VMP1: variants seen among roughly 807,000 people sequenced by gnomAD.
The protein encoded by VMP1 is vacuole membrane protein 1.
A neutral mutation model predicts 56.0 loss-of-function variants in VMP1; 11 were observed. That is an observed-to-expected ratio of 0.20 (90% CI 0.12 to 0.32). The LOEUF (loss-of-function observed/expected upper bound fraction) is 0.32, where lower values mean the gene tolerates loss of function less well. VMP1 is among the 10% of genes least tolerant of loss of function. VMP1 has a pLI of 1.00. For missense variants in VMP1, 296 were observed against 490.3 expected (o/e 0.60, Z 3.74); for synonymous variants, 149 against 165.0 (o/e 0.90, Z 0.74).
intron 5 of VMP1, among the ~76,000 whole-genome samples, chr17:59,760,956 G>A (rs1322194339): frequency 2.0e-5 from 3 of 150,808 alleles, no homozygotes; most frequent in African/African-American, 4.9e-5. Context: ...GTGCTGGCAT[G>A]CAGTGTTGAG....
At chr17:59,737,120 T>G (rs2143828784) in intron 3 of VMP1, among the ~76,000 whole-genome samples, 1 of 152,286 alleles carries the variant, frequency 6.6e-6, no homozygotes, top group South Asian at 2.1e-4. Context: ...AAGTGCAACA[T>G]GAAGGGTCTC....
chr17:59,730,391 G>A (rs1393607861), intron 1 of VMP1, among the ~76,000 whole-genome samples: 1 of 151,830 alleles, frequency 6.6e-6, no homozygotes, highest in Non-Finnish European at 1.5e-5. Flanking sequence ...TCAGCCTCCT[G>A]AGCAACTAGA....
chr17:59,784,492 C>A (rs1305501910), intron 7 of VMP1, among the ~76,000 whole-genome samples: 1 of 152,100 alleles, frequency 6.6e-6, no homozygotes, highest in African/African-American at 2.4e-5. Context: ...TCTTGTGTCA[C>A]TTATCACATT....
intron 7 of VMP1, among the ~76,000 whole-genome samples, chr17:59,806,267 T>C (rs2037838598): frequency 6.6e-6 from 1 of 152,120 alleles, no homozygotes; most frequent in African/African-American, 2.4e-5. Flanking sequence ...AAATAAGCTA[T>C]ATAGGAAAAC....
intron 9 of VMP1, among the ~76,000 whole-genome samples, chr17:59,814,943 T>C (rs915533780): frequency 6.6e-6 from 1 of 152,138 alleles, no homozygotes; most frequent in Non-Finnish European, 1.5e-5. Flanking sequence ...TAAACAATAT[T>C]AGTAATATAA....
intron 6 of VMP1, among the ~76,000 whole-genome samples, chr17:59,767,202 AT>A (rs2036264340): frequency 6.6e-6 from 1 of 151,936 alleles, no homozygotes; most frequent in African/African-American, 2.4e-5. Context: ...GAAATTAAAG[AT>A]TATGGAACAG....
intron 7 of VMP1, among the ~76,000 whole-genome samples, chr17:59,787,373 T>C (rs1443435913): frequency 2.0e-5 from 3 of 152,188 alleles, no homozygotes; most frequent in African/African-American, 4.8e-5. Flanking sequence ...TCCCATATTA[T>C]CAACAAGGAA....
intron 7 of VMP1, among the ~76,000 whole-genome samples, chr17:59,806,519 C>T (rs2037846737): frequency 6.6e-6 from 1 of 151,724 alleles, no homozygotes; most frequent in African/African-American, 2.4e-5. Context: ...AGTTCGAGAC[C>T]AGCCTGACAA....
At chr17:59,791,626 G>A (rs1426966325) in intron 7 of VMP1, among the ~76,000 whole-genome samples, 5 of 144,308 alleles carry the variant, frequency 3.5e-5, no homozygotes, top group African/African-American at 1.0e-4. Context: ...CACCACGCCC[G>A]GCTAATTTTG....
At chr17:59,794,808 A>G (rs1399954709) in intron 7 of VMP1, among the ~76,000 whole-genome samples, 1 of 151,204 alleles carries the variant, frequency 6.6e-6, no homozygotes, top group African/African-American at 2.4e-5. Flanking sequence ...GAAATGTTTT[A>G]TGTCTAGTAG....
chr17:59,838,275 C>T lies in VMP1; in HGVS notation c.975-20C>T. On this transcript the variant is annotated intron_variant, in intron 10 of 11. Transcript: ENST00000262291. ...TCCCAAATGTGTCTTTTTCTTTGGG[C>T]TACTGTACCCTGCTTCCAGTGCTGT... 6.2e-7 allele frequency: 1 copy of T among 1,607,462 alleles called. No individual in the cohort carries two copies. The highest frequency in any genetic ancestry group is 2.2e-5 in the East Asian group (1 of 44,784).
chr17:59,764,146 A>C (rs2036152643), intron 5 of VMP1, among the ~76,000 whole-genome samples: 1 of 152,206 alleles, frequency 6.6e-6, no homozygotes, highest in Non-Finnish European at 1.5e-5. Flanking sequence ...TTAAGTAAGG[A>C]CGTAAAGTGA....
chr17:59,753,105 G>A (rs1031433167), intron 5 of VMP1, among the ~76,000 whole-genome samples: 1 of 151,858 alleles, frequency 6.6e-6, no homozygotes, highest in Non-Finnish European at 1.5e-5. Flanking sequence ...GTGGGACCCC[G>A]TCTCTACGAA....
intron 1 of VMP1, among the ~76,000 whole-genome samples, chr17:59,709,994 G>A (rs1290174707): frequency 1.3e-5 from 2 of 151,994 alleles, no homozygotes; most frequent in Non-Finnish European, 2.9e-5. Flanking sequence ...TCAGGCGATC[G>A]AGACAATCCT....
chr17:59,794,683 A>T (rs1214289476), intron 7 of VMP1, among the ~76,000 whole-genome samples: 1 of 151,658 alleles, frequency 6.6e-6, no homozygotes, highest in African/African-American at 2.4e-5. Flanking sequence ...TGAACTTCTA[A>T]GAATAATTTA....
At chr17:59,792,545 T>G (rs1013156093) in intron 7 of VMP1, among the ~76,000 whole-genome samples, 16 of 152,122 alleles carry the variant, frequency 1.1e-4, no homozygotes, top group African/African-American at 3.9e-4. Flanking sequence ...TCTACTGATT[T>G]TTTTTATTTC....
intron 7 of VMP1, among the ~76,000 whole-genome samples, chr17:59,791,076 A>G (rs1286159795): frequency 1.3e-5 from 2 of 152,130 alleles, no homozygotes; most frequent in East Asian, 3.8e-4. Flanking sequence ...TCCAGAGGCA[A>G]TTGCCACATA....
At chr17:59,720,871 G>A (rs139541326) in intron 1 of VMP1, among the ~76,000 whole-genome samples, 5,602 of 152,122 alleles carry the variant, frequency 0.037, 377 homozygotes, top group African/African-American at 0.13. Flanking sequence ...TACTTGGGAG[G>A]CTGAGACAGG....
At chr17:59,726,447 C>T (rs1299649519) in intron 1 of VMP1, among the ~76,000 whole-genome samples, 1 of 152,130 alleles carries the variant, frequency 6.6e-6, no homozygotes, top group African/African-American at 2.4e-5. Context: ...GCGCAAGCCA[C>T]CACACCCAGC....
Sources: allele counts gnomAD v4.1 joint callset (sites outside exome capture counted in the v4.1 genomes callset), GRCh38; gene constraint gnomAD v4.1.1; transcripts MANE v1.5; gene names NCBI Gene and HGNC (gene_info 2026-07-23, HGNC 2026-07-21).